Variants in ICA1 observed in about 807,000 individuals in gnomAD.
ICA1 encodes 69 kDa islet cell autoantigen.
Under a neutral mutation model 71.0 loss-of-function variants are expected in ICA1, and 40 were observed. The ratio of observed to expected loss-of-function variants is 0.56; its 90% CI spans 0.44 to 0.73. The LOEUF (loss-of-function observed/expected upper bound fraction) is 0.73, where lower values mean the gene tolerates loss of function less well. Ranked by LOEUF, ICA1 falls within the 30% of genes least tolerant of loss-of-function variation. The probability of loss-of-function intolerance (pLI) is 0.00; values close to 1 mark genes in which losing one functional copy is unlikely to be tolerated. For missense variants in ICA1, 578 were observed against 576.5 expected (o/e 1.00, Z -0.03); for synonymous variants, 207 against 209.5 (o/e 0.99, Z 0.10).
intron 4 of ICA1, chr7:8,227,607 T>C: frequency 3.9e-6 from 1 of 258,620 alleles, no homozygotes; most frequent in Non-Finnish European, 7.1e-6. Context: ...GTAGTTGTCT[T>C]TTTTTTTTTT....
chr7:8,257,606 A>G (rs1771036877), intron 1 of ICA1, among the ~76,000 whole-genome samples: 2 of 152,182 alleles, frequency 1.3e-5, no homozygotes, highest in Admixed American at 1.3e-4. Context: ...TTTCCACTCC[A>G]CAGAACTATA....
intron 6 of ICA1, among the ~76,000 whole-genome samples, chr7:8,214,432 T>C (rs1422618127): frequency 1.3e-5 from 2 of 152,218 alleles, no homozygotes; most frequent in Non-Finnish European, 2.9e-5. Context: ...TGAATCACGC[T>C]GTCAGGAGGA....
chr7:8,235,265 A>T lies in ICA1; in HGVS notation c.17+645T>A, dbSNP rs1173935645. Among the ~76,000 whole-genome samples the T allele has an allele frequency of 3.9e-5, 6 of 152,140 alleles. No homozygotes were observed. In the South Asian group the frequency reaches 1.2e-3, roughly 32 times the overall value. On this transcript the variant is annotated intron_variant, in intron 2 of 13. Coordinates refer to ENST00000402384, the MANE Select transcript of ICA1 (RefSeq NM_001136020.3). ...TTAAAGAAAATAAAAGTTCACAAAGATCTGCTTGCTTGGTGGGTCATGGGT... is the reference window on the plus strand; with the variant it reads ...TTAAAGAAAATAAAAGTTCACAAAGTTCTGCTTGCTTGGTGGGTCATGGGT...
At chr7:8,237,821 C>CAG (rs999566481) in intron 1 of ICA1, among the ~76,000 whole-genome samples, 2 of 124,918 alleles carry the variant, frequency 1.6e-5, no homozygotes, top group South Asian at 4.7e-4. Context: ...TGAAGACAGA[C>CAG]ACACACACAC....
At chr7:8,207,911 G>C (rs1387052697) in intron 6 of ICA1, among the ~76,000 whole-genome samples, 1 of 152,176 alleles carries the variant, frequency 6.6e-6, no homozygotes, top group African/African-American at 2.4e-5. Flanking sequence ...GGACAAAGGG[G>C]ATTCTGAGTT....
At chr7:8,248,000 A>G (rs1328795227) in intron 1 of ICA1, among the ~76,000 whole-genome samples, 1 of 152,190 alleles carries the variant, frequency 6.6e-6, no homozygotes. Flanking sequence ...AAATGTAGTT[A>G]ATTTTTCTTC....
At position 8,153,861 on chromosome 7, in the gene ICA1, A is replaced by T. The variant is rs1047745753; in HGVS notation, c.804+3255T>A. 1.2e-4 allele frequency among the ~76,000 whole-genome samples: 18 copies of T among 148,446 alleles called. 1 individual carries two copies. Among genetic ancestry groups the T allele is most frequent in the Non-Finnish European group, 6.0e-5 (4 of 67,112 alleles). On this transcript the variant is annotated intron_variant, in intron 8 of 13. Coordinates refer to ENST00000402384, the MANE Select transcript of ICA1 (RefSeq NM_001136020.3). ...AATATATATATATATATATATATGT[A>T]GTAACATTTCAATGAATTGATAAAT...
At chr7:8,196,895 GAGATCCCCTGGACA>G (rs1477323371) in intron 6 of ICA1, among the ~76,000 whole-genome samples, 2 of 151,886 alleles carry the variant, frequency 1.3e-5, no homozygotes, top group Non-Finnish European at 2.9e-5. Flanking sequence ...TTATAAATGG[GAGATCCCCTGGACA>G]AGCTTTCTTT....
At chr7:8,193,553 G>C (rs549060321) in intron 6 of ICA1, among the ~76,000 whole-genome samples, 1 of 152,276 alleles carries the variant, frequency 6.6e-6, no homozygotes, top group Non-Finnish European at 1.5e-5. Flanking sequence ...AATCAAAGAG[G>C]TCAATATATT....
intron 6 of ICA1, among the ~76,000 whole-genome samples, chr7:8,210,668 A>C (rs1247966815): frequency 6.6e-6 from 1 of 151,868 alleles, no homozygotes; most frequent in African/African-American, 2.4e-5. Flanking sequence ...ATCCCTGAAC[A>C]CAAAGGTGGG....
At position 8,157,227 on chromosome 7, in the gene ICA1, AC is replaced by A. The variant is rs781300238; in HGVS notation, c.706-14del. The A allele has an allele frequency of 6.3e-7, 1 of 1,587,720 alleles. No individual in the cohort carries two copies. The highest frequency in any genetic ancestry group is 8.5e-7 in the Non-Finnish European group (1 of 1,170,724). ...GAAGCAGAGTGGTCTGCAAAGAAAG[AC>A]AGTAAAGCTATTAATGTTTTGAATG... is the stretch of plus-strand genomic sequence containing the variant. On this transcript the variant is annotated splice_polypyrimidine_tract_variant and intron_variant, in intron 7 of 13. Transcript: ENST00000402384.
chr7:8,148,765 A>T (rs1289459030), intron 8 of ICA1, among the ~76,000 whole-genome samples: 1 of 152,244 alleles, frequency 6.6e-6, no homozygotes, highest in Non-Finnish European at 1.5e-5. Flanking sequence ...AAGGAAAAAA[A>T]CAATAACACA....
chr7:8,237,251 G>C (rs1165774090), intron 1 of ICA1, among the ~76,000 whole-genome samples: 1 of 152,088 alleles, frequency 6.6e-6, no homozygotes, highest in African/African-American at 2.4e-5. Context: ...GCATCATGGA[G>C]AGGCTACCAA....
chr7:8,192,293 G>T lies in ICA1; in HGVS notation c.579+26012C>A, dbSNP rs547578068. On this transcript the variant is annotated intron_variant, in intron 6 of 13. Transcript: ENST00000402384. ...CTCCTTTAATCTGGGAAGTTCCTGG[G>T]TCTGTCTTTTTTCAGGGCAGGTATT... Among the ~76,000 whole-genome samples the T allele has an allele frequency of 5.3e-5, 8 of 152,244 alleles. No homozygotes were observed. The South Asian group carries it at 1.5e-3, about 28-fold the overall frequency.
At chr7:8,163,191 T>C (rs1256953411) in intron 6 of ICA1, among the ~76,000 whole-genome samples, 2 of 152,268 alleles carry the variant, frequency 1.3e-5, no homozygotes, top group Non-Finnish European at 2.9e-5. Context: ...TCTGTACTTA[T>C]TCCTTCTAAC....
chr7:8,166,319 G>A (rs1805964869), intron 6 of ICA1, among the ~76,000 whole-genome samples: 1 of 152,156 alleles, frequency 6.6e-6, no homozygotes, highest in Admixed American at 6.5e-5. Flanking sequence ...GAGCAGAATA[G>A]AGAGCCCAGA....
intron 5 of ICA1, among the ~76,000 whole-genome samples, chr7:8,220,860 C>T (rs971801768): frequency 9.9e-5 from 15 of 152,206 alleles, no homozygotes; most frequent in African/African-American, 3.6e-4. Context: ...AACAGCACCT[C>T]TCTGAAGTTA....
intron 6 of ICA1, among the ~76,000 whole-genome samples, chr7:8,163,295 G>A (rs939237043): frequency 6.6e-6 from 1 of 152,202 alleles, no homozygotes; most frequent in Non-Finnish European, 1.5e-5. Flanking sequence ...CTATCCAGTG[G>A]AAAGGTCTTT....
At chr7:8,210,284 C>G (rs1438327004) in intron 6 of ICA1, among the ~76,000 whole-genome samples, 1 of 152,138 alleles carries the variant, frequency 6.6e-6, no homozygotes, top group Non-Finnish European at 1.5e-5. Context: ...ATAATGGTAG[C>G]AGCTGAGGAT....
Sources: allele counts gnomAD v4.1 joint callset (sites outside exome capture counted in the v4.1 genomes callset), GRCh38; gene constraint gnomAD v4.1.1; transcripts MANE v1.5; gene names NCBI Gene and HGNC (gene_info 2026-07-23, HGNC 2026-07-21).